SEC62: variants seen among roughly 807,000 people sequenced by gnomAD.
SEC62 encodes translocation protein SEC62.
Under a neutral mutation model 47.5 loss-of-function variants are expected in SEC62, and 10 were observed. That is an observed-to-expected ratio of 0.21 (90% confidence interval 0.13 to 0.36). The LOEUF (loss-of-function observed/expected upper bound fraction) is 0.36. Ranked by LOEUF, SEC62 falls within the 10% of genes least tolerant of loss-of-function variation. The pLI is 1.00. For synonymous variants in SEC62, 136 were observed against 150.5 expected (o/e 0.90, Z 0.71); for missense variants, 327 against 464.1 (o/e 0.70, Z 2.71).
rs139579736 is a variant in SEC62, at chr3:169,975,222, A to C, written c.37-386A>C. On this transcript the variant is annotated intron_variant, in intron 1 of 7. Coordinates refer to ENST00000337002, the MANE Select transcript of SEC62 (RefSeq NM_003262.4). ...CTTGAACTCAGGAGGCAGAGGTTGC[A>C]GTGAGCCGAGATCGCACCACTGCAC... is the stretch of plus-strand genomic sequence containing the variant. Among the ~76,000 whole-genome samples, 664 of 148,120 alleles carry C rather than the reference A, an allele frequency of 4.5e-3. 7 individuals carry two copies. The highest frequency in any genetic ancestry group is 0.016 in the African/African-American group (628 of 40,462).
chr3:169,977,748 T>C (rs1475909936), intron 3 of SEC62, among the ~76,000 whole-genome samples: 8 of 152,172 alleles, frequency 5.3e-5, no homozygotes, highest in African/African-American at 1.4e-4. Flanking sequence ...ATTTTCTTAA[T>C]ATATGTTAAC....
chr3:169,989,328 C>T, intron 7 of SEC62, among the ~76,000 whole-genome samples: 1 of 80 alleles, frequency 0.013, no homozygotes, highest in Non-Finnish European at 0.026. Flanking sequence ...GTGATCTGCC[C>T]TCCTTGGCCT....
intron 4 of SEC62, 57 bp downstream of exon 4, chr3:169,982,968 T>C (rs1273825012): frequency 2.9e-5 from 45 of 1,540,260 alleles, no homozygotes; most frequent in Non-Finnish European, 3.8e-5. Flanking sequence ...ACATGAACAC[T>C]ACTGGCCTAT....
Position 169,995,188 on chromosome 3 carries a change from G to A in SEC62, c.*2125G>A, listed in dbSNP as rs542003682. ...ATCGTTTATAATTGTTAATAGAATG[G>A]CGATTTTTTTTTAAGAACTTCAGAT... On this transcript the variant is annotated 3_prime_UTR_variant, in exon 8 of 8. Transcript: ENST00000337002. The A allele has an allele frequency of 1.3e-5, 2 of 152,226 alleles. No individual in the cohort carries two copies. Among genetic ancestry groups the A allele is most frequent in the South Asian group, 4.1e-4 (2 of 4,822 alleles). 9.4% of individuals were successfully genotyped at this position (152,226 alleles called of 1,614,324 possible).
intron 2 of SEC62, 71 bp downstream of exon 2, chr3:169,975,787 GAA>G: frequency 9.2e-7 from 1 of 1,083,614 alleles, no homozygotes; most frequent in Non-Finnish European, 1.4e-6. Context: ...GGGATATGTA[GAA>G]GTTTTAAAAG....
At chr3:169,986,035 CATATT>C in intron 6 of SEC62, 170 bp downstream of exon 6, 1 of 543,436 alleles carries the variant, frequency 1.8e-6, no homozygotes, top group Non-Finnish European at 3.2e-6. Context: ...ATATTTGAAA[CATATT>C]AAAGATCTTT....
At chr3:169,971,768 C>T (rs910495968) in intron 1 of SEC62, among the ~76,000 whole-genome samples, 1 of 152,158 alleles carries the variant, frequency 6.6e-6, no homozygotes, top group African/African-American at 2.4e-5. Flanking sequence ...TCAGGTTTTA[C>T]ATGTGATGCC....
At chr3:169,983,304 A>C (rs753952925) in intron 5 of SEC62, 51 bp downstream of exon 5, 1 of 1,320,268 alleles carries the variant, frequency 7.6e-7, no homozygotes, top group Non-Finnish European at 1.0e-6. Flanking sequence ...GAGTTTTTAG[A>C]AAGATGTTTG....
At chr3:169,973,886 G>T (rs1000561259) in intron 1 of SEC62, among the ~76,000 whole-genome samples, 2 of 152,118 alleles carry the variant, frequency 1.3e-5, no homozygotes, top group Admixed American at 1.3e-4. Context: ...TAGAGGACTT[G>T]CGAAATACAA....
intron 2 of SEC62, among the ~76,000 whole-genome samples, chr3:169,976,384 A>G (rs1559964732): frequency 6.6e-6 from 1 of 151,972 alleles, no homozygotes; most frequent in East Asian, 1.9e-4. Context: ...GAAAAAAAAA[A>G]CTAAATTGCC....
At chr3:169,979,519 C>G (rs1263365581) in intron 3 of SEC62, among the ~76,000 whole-genome samples, 2 of 152,204 alleles carry the variant, frequency 1.3e-5, no homozygotes, top group African/African-American at 4.8e-5. Flanking sequence ...TCACTGACCC[C>G]CAATCCAGTT....
At chr3:169,978,203 C>T (rs1336617372) in intron 3 of SEC62, among the ~76,000 whole-genome samples, 1 of 151,968 alleles carries the variant, frequency 6.6e-6, no homozygotes, top group Non-Finnish European at 1.5e-5. Context: ...GGCGTGAACC[C>T]GGGAGGCGGA....
At chr3:169,971,198 C>T (rs1714690975) in intron 1 of SEC62, among the ~76,000 whole-genome samples, 1 of 152,002 alleles carries the variant, frequency 6.6e-6, no homozygotes, top group South Asian at 2.1e-4. Context: ...AACCTCCCAA[C>T]TAGCTGGGAC....
chr3:169,983,193 A>G lies in SEC62; in HGVS notation c.489A>G (p.Glu163=). Residue 163 remains glutamate (E), a synonymous_variant, in exon 5 of 8, where the codon GAA becomes GAG. Transcript: ENST00000337002. ...CTCCAGGAACTCCTAAAAAGAAGGA[A>G]ACTAAGAAAAAATTCAAACTTGAGC... ...EETPGTPKKK[E]TKKKFKLEPH... is the part of the protein sequence containing the mutation. The G allele has an allele frequency of 1.2e-6, 2 of 1,612,514 alleles. No individual in the cohort carries two copies. The highest frequency in any genetic ancestry group is 2.2e-5 in the East Asian group (1 of 44,724).
At chr3:169,972,154 A>G (rs1257724225) in intron 1 of SEC62, among the ~76,000 whole-genome samples, 4 of 152,156 alleles carry the variant, frequency 2.6e-5, no homozygotes, top group African/African-American at 9.7e-5. Context: ...TCATGTCTAA[A>G]TCATTTTTCT....
rs1191757783 is a variant in SEC62 at position 169,997,884 on chromosome 3, AT to A, written c.*4822del. ...TGTGGTAGTTATAGGTGTGCATTTAATAGCCAGATCTACGAGTGGATGTAAT... is the reference window on the plus strand; with the variant it reads ...TGTGGTAGTTATAGGTGTGCATTTAAAGCCAGATCTACGAGTGGATGTAAT... On this transcript the variant is annotated 3_prime_UTR_variant, in exon 8 of 8. Transcript: ENST00000337002. The A allele has an allele frequency of 6.6e-6, 1 of 152,254 alleles. No homozygotes were observed. The highest frequency in any genetic ancestry group is 1.5e-5 in the Non-Finnish European group (1 of 68,046). The allele number at this position is 152,254 out of a possible 1,614,324, so 9.4% of individuals were successfully genotyped here.
chr3:169,979,629 G>T (rs1714924687), intron 3 of SEC62, among the ~76,000 whole-genome samples: 1 of 151,924 alleles, frequency 6.6e-6, no homozygotes, highest in African/African-American at 2.4e-5. Context: ...TGTTTCCTCT[G>T]TCCCACCTGC....
At position 169,993,243 on chromosome 3, in the gene SEC62, G is replaced by T; in HGVS notation, c.*180G>T. On this transcript the variant is annotated 3_prime_UTR_variant, in exon 8 of 8. Coordinates refer to ENST00000337002, the MANE Select transcript of SEC62 (RefSeq NM_003262.4). ...TTATAGAATATTGGCACTATTATTGGTACAGTTTAAAGCCATTAATATGTT... is the reference window on the plus strand; with the variant it reads ...TTATAGAATATTGGCACTATTATTGTTACAGTTTAAAGCCATTAATATGTT... The T allele has an allele frequency of 1.7e-6, 1 of 575,468 alleles. No homozygotes were observed. The highest frequency in any genetic ancestry group is 3.0e-6 in the Non-Finnish European group (1 of 328,310). The allele number at this position is 575,468 out of a possible 1,614,324, so 35.6% of individuals were successfully genotyped here. A position where few individuals can be genotyped will look rare whatever the true frequency, so the allele number is the denominator to read the frequency against.
chr3:169,984,484 A>G (rs1345508062), intron 5 of SEC62, among the ~76,000 whole-genome samples: 1 of 152,196 alleles, frequency 6.6e-6, no homozygotes, highest in Non-Finnish European at 1.5e-5. Flanking sequence ...AGACTTGAAG[A>G]TGACTGGCAG....
Sources: gnomAD v4.1 joint callset for allele counts (sites outside exome capture counted in the v4.1 genomes callset) on GRCh38, gnomAD v4.1.1 for gene constraint, MANE v1.5 for transcripts, NCBI Gene and HGNC (gene_info 2026-07-23, HGNC 2026-07-21) for gene names.